ACOT13: variants seen among roughly 807,000 people sequenced by gnomAD.
The protein encoded by ACOT13 is acyl-coenzyme A thioesterase 13.
ACOT13 carries 10 observed loss-of-function variants against 11.8 expected under a neutral mutation model. The ratio of observed to expected loss-of-function variants is 0.85; its 90% CI spans 0.53 to 1.44. The LOEUF (loss-of-function observed/expected upper bound fraction) is 1.44. ACOT13 is among the 40% of genes most tolerant of loss of function. The pLI, the probability that ACOT13 is intolerant of heterozygous loss-of-function variation, is 0.00. For synonymous variants in ACOT13, 53 were observed against 61.0 expected (o/e 0.87, Z 0.61); for missense variants, 172 against 174.1 (o/e 0.99, Z 0.07).
chr6:24,687,430 G>A (rs1778649426), intron 1 of ACOT13: 2 of 1,226,324 alleles, frequency 1.6e-6, no homozygotes, highest in Non-Finnish European at 2.1e-6. Flanking sequence ...CATACGTTGG[G>A]AATATCAACT....
rs1210535177 is a variant in ACOT13, at chr6:24,687,489, C to T, written c.82-10394C>T. Reference sequence around the variant, plus strand: ...GAAATACCATGTGGACTCCAACACACATAGAAATAAGGAAGTGGAATTCCA... The same window carrying T: ...GAAATACCATGTGGACTCCAACACATATAGAAATAAGGAAGTGGAATTCCA... On this transcript the variant is annotated intron_variant, in intron 1 of 2. Transcript: ENST00000230048. The T allele has an allele frequency of 4.4e-6, 6 of 1,371,500 alleles. No homozygotes were observed. In the East Asian group the frequency reaches 1.7e-4, roughly 38 times the overall value. The allele number at this position is 1,371,500 out of a possible 1,614,324, so 85.0% of individuals were successfully genotyped here. A position where few individuals can be genotyped will look rare whatever the true frequency, so the allele number is the denominator to read the frequency against.
chr6:24,671,425 A>G (rs191017870), intron 1 of ACOT13, among the ~76,000 whole-genome samples: 16 of 151,322 alleles, frequency 1.1e-4, no homozygotes, highest in African/African-American at 3.4e-4. Context: ...GAACATTTGG[A>G]CACAGGGCAG....
At position 24,701,907 on chromosome 6, in the gene ACOT13, C is replaced by T. The variant is rs1175722332; in HGVS notation, c.*292C>T. On this transcript the variant is annotated 3_prime_UTR_variant, in exon 3 of 3. Transcript: ENST00000230048. ...GGACCACTCTCAGTTAAGATTAAAA[C>T]TAAAGTCCAGTGTTAAGCTAAAGGA... 3.8e-6 allele frequency: 1 copy of T among 264,076 alleles called. No individual in the cohort carries two copies. Among genetic ancestry groups the T allele is most frequent in the African/African-American group, 2.2e-5 (1 of 45,020 alleles). The allele number at this position is 264,076 out of a possible 1,614,324, so 16.4% of individuals were successfully genotyped here. A position where few individuals can be genotyped will look rare whatever the true frequency, so the allele number is the denominator to read the frequency against.
At position 24,680,087 on chromosome 6, in the gene ACOT13, TAGGG is replaced by T. The variant is rs373516217; in HGVS notation, c.81+12747_81+12750del. Among the ~76,000 whole-genome samples, 5 of 152,152 alleles carry T rather than the reference TAGGG, an allele frequency of 3.3e-5. No individual in the cohort carries two copies. The East Asian group carries it at 7.8e-4, about 24-fold the overall frequency. On this transcript the variant is annotated intron_variant, in intron 1 of 2. Coordinates refer to ENST00000230048, the MANE Select transcript of ACOT13 (RefSeq NM_018473.4). ...AGAAGGAGTCGGGGGGATGCTGAGA[TAGGG>T]AGGCAGACTCTGAGGGCTTCCTGTA...
chr6:24,691,997 A>G (rs1383129475), intron 1 of ACOT13, among the ~76,000 whole-genome samples: 1 of 152,244 alleles, frequency 6.6e-6, no homozygotes, highest in Admixed American at 6.5e-5. Flanking sequence ...GAGACTAAAC[A>G]TGGGGATGGT....
At chr6:24,682,342 C>T (rs987063306) in intron 1 of ACOT13, among the ~76,000 whole-genome samples, 1 of 152,206 alleles carries the variant, frequency 6.6e-6, no homozygotes, top group African/African-American at 2.4e-5. Flanking sequence ...TTGTGGGCCA[C>T]TTCCACAATG....
chr6:24,681,757 C>T (rs1046137011), intron 1 of ACOT13, among the ~76,000 whole-genome samples: 4 of 152,110 alleles, frequency 2.6e-5, no homozygotes, highest in African/African-American at 7.2e-5. Context: ...CCCTAGATCC[C>T]TTTGGAGATA....
rs989446948 is a variant in ACOT13 at position 24,703,876 on chromosome 6, C to G, written c.*2261C>G. 2.0e-5 allele frequency: 3 copies of G among 152,168 alleles called. No individual in the cohort carries two copies. Among genetic ancestry groups the G allele is most frequent in the Non-Finnish European group, 4.4e-5 (3 of 68,028 alleles). 9.4% of individuals were successfully genotyped at this position (152,168 alleles called of 1,614,324 possible). A position where few individuals can be genotyped will look rare whatever the true frequency, so the allele number is the denominator to read the frequency against. On this transcript the variant is annotated 3_prime_UTR_variant, in exon 3 of 3. Coordinates refer to ENST00000230048, the MANE Select transcript of ACOT13 (RefSeq NM_018473.4). ...GAGAAGGGCGTTAAGCATGAATAAA[C>G]AATTCAAATGCAAAATGAGTAACAA... is the stretch of plus-strand genomic sequence containing the variant.
chr6:24,670,504 T>G (rs1778343289), intron 1 of ACOT13, among the ~76,000 whole-genome samples: 1 of 152,240 alleles, frequency 6.6e-6, no homozygotes, highest in Non-Finnish European at 1.5e-5. Flanking sequence ...TAAGTCAGGT[T>G]TGATTACTTA....
intron 1 of ACOT13, among the ~76,000 whole-genome samples, chr6:24,673,198 C>G (rs1778390003): frequency 6.6e-6 from 1 of 151,614 alleles, no homozygotes; most frequent in Non-Finnish European, 1.5e-5. Flanking sequence ...TACCAAAAAG[C>G]AAAAGAAAAG....
At chr6:24,678,957 C>T (rs1286340019) in intron 1 of ACOT13, among the ~76,000 whole-genome samples, 1 of 152,208 alleles carries the variant, frequency 6.6e-6, no homozygotes, top group Non-Finnish European at 1.5e-5. Context: ...TTGCCCCGGG[C>T]ACCCTCAGTC....
chr6:24,692,613 C>G (rs548603430), intron 1 of ACOT13, among the ~76,000 whole-genome samples: 1 of 152,166 alleles, frequency 6.6e-6, no homozygotes, highest in South Asian at 2.1e-4. Context: ...GAGTTGGGGT[C>G]TTGCTGTGTT....
chr6:24,701,390 G>A, intron 2 of ACOT13, 69 bp from the exon 3 acceptor site: 11 of 1,425,188 alleles, frequency 7.7e-6, no homozygotes, highest in Non-Finnish European at 9.6e-6. Flanking sequence ...TAGGAACACT[G>A]TTGTGAGATG....
rs1778945403 is a variant in ACOT13, at chr6:24,704,063, C to T, written c.*2448C>T. 6.6e-6 allele frequency: 1 copy of T among 151,966 alleles called. No homozygotes were observed. The highest frequency in any genetic ancestry group is 2.4e-5 in the African/African-American group (1 of 41,368). 9.4% of individuals were successfully genotyped at this position (151,966 alleles called of 1,614,324 possible). On this transcript the variant is annotated 3_prime_UTR_variant, in exon 3 of 3. Transcript: ENST00000230048. ...AAACAAGCTACCAAGGATACTGGGA[C>T]AACAAAACGAATATGGATGATAAAG...
intron 1 of ACOT13, among the ~76,000 whole-genome samples, chr6:24,669,709 C>T (rs1299445550): frequency 1.3e-5 from 2 of 152,080 alleles, no homozygotes; most frequent in African/African-American, 4.8e-5. Flanking sequence ...GCTGTGAACT[C>T]CCATGTCTTG....
chr6:24,676,057 G>T (rs1355551798), intron 1 of ACOT13, among the ~76,000 whole-genome samples: 1 of 152,084 alleles, frequency 6.6e-6, no homozygotes, highest in Non-Finnish European at 1.5e-5. Context: ...TATTTCTGAG[G>T]GCTCTGTTCT....
chr6:24,699,461 T>C lies in ACOT13; in HGVS notation c.266+1394T>C, dbSNP rs537709147. On this transcript the variant is annotated intron_variant, in intron 2 of 2. Coordinates refer to ENST00000230048, the MANE Select transcript of ACOT13 (RefSeq NM_018473.4). ...TCCTCACCTTGTGATCTGCCCGCCT[T>C]GGCCTCCCAAAGTGCTGGGATTACA... Among the ~76,000 whole-genome samples the C allele has an allele frequency of 2.2e-3, 330 of 152,270 alleles. 1 individual carries two copies. The highest frequency in any genetic ancestry group is 0.017 in the Middle Eastern group (5 of 294).
chr6:24,695,037 G>A (rs187793654), intron 1 of ACOT13, among the ~76,000 whole-genome samples: 20 of 152,218 alleles, frequency 1.3e-4, no homozygotes, highest in East Asian at 3.9e-4. Context: ...ACTGAGGCGC[G>A]GTGGCTCATG....
At chr6:24,684,997 T>C (rs1452698123) in intron 1 of ACOT13, among the ~76,000 whole-genome samples, 1 of 152,170 alleles carries the variant, frequency 6.6e-6, no homozygotes, top group Non-Finnish European at 1.5e-5. Context: ...GGTGACAAAG[T>C]GAGACCCTGT....
Sources: gnomAD v4.1 joint callset for allele counts (sites outside exome capture counted in the v4.1 genomes callset) on GRCh38, gnomAD v4.1.1 for gene constraint, MANE v1.5 for transcripts, NCBI Gene and HGNC (gene_info 2026-07-23, HGNC 2026-07-21) for gene names.